SNX18: variants seen among roughly 807,000 people sequenced by gnomAD.
SNX18 encodes sorting nexin 18, also known as sorting nexin-18.
Under a neutral mutation model 48.7 loss-of-function variants are expected in SNX18, and 35 were observed. That is an observed-to-expected ratio of 0.72 (90% CI 0.55 to 0.95). SNX18 has a LOEUF of 0.95. SNX18 is among the 40% of genes least tolerant of loss of function. The probability of loss-of-function intolerance (pLI) is 0.00; values close to 1 mark genes in which losing one functional copy is unlikely to be tolerated. For missense variants in SNX18, 824 were observed against 871.0 expected (o/e 0.95, Z 0.68); for synonymous variants, 492 against 384.7 (o/e 1.28, Z -3.26).
At chr5:54,602,622 G>A in the SNX18 span, among the ~76,000 whole-genome samples, 1 of 152,142 alleles carries the variant, frequency 6.6e-6, no homozygotes, top group African/African-American at 2.4e-5. Flanking sequence ...CAGAGCGGGA[G>A]TGAAAGTCTA....
At chr5:54,610,361 TAC>T in the SNX18 span, among the ~76,000 whole-genome samples, 2,262 of 152,272 alleles carry the variant, frequency 0.015, 58 homozygotes, top group African/African-American at 0.052. Context: ...GCTCCGACTT[TAC>T]ACACAAAGGA....
the SNX18 span, among the ~76,000 whole-genome samples, chr5:54,630,798 C>G: frequency 5.6e-5 from 8 of 142,954 alleles, no homozygotes; most frequent in South Asian, 1.7e-3. Flanking sequence ...CGCCACTGCA[C>G]TGCAGCCTGG....
chr5:54,534,943 T>G (rs1762325781), intron 1 of SNX18, among the ~76,000 whole-genome samples: 1 of 152,206 alleles, frequency 6.6e-6, no homozygotes, highest in Non-Finnish European at 1.5e-5. Context: ...CGTTTACTGA[T>G]GGAAATAGTT....
the SNX18 span, among the ~76,000 whole-genome samples, chr5:54,626,399 C>G: frequency 1.3e-5 from 2 of 152,092 alleles, no homozygotes; most frequent in South Asian, 2.1e-4. Context: ...TCAAGTGGTC[C>G]TCCCACCTTG....
At chr5:54,611,877 TC>T in the SNX18 span, among the ~76,000 whole-genome samples, 15 of 103,078 alleles carry the variant, frequency 1.5e-4, no homozygotes, top group East Asian at 7.0e-4. Flanking sequence ...TTCTTCTTCT[TC>T]TTCTTTTTTT....
the SNX18 span, among the ~76,000 whole-genome samples, chr5:54,551,735 A>G: frequency 6.6e-6 from 1 of 152,176 alleles, no homozygotes; most frequent in Non-Finnish European, 1.5e-5. Flanking sequence ...TGAGACTACC[A>G]GGCAAACATA....
chr5:54,636,118 G>A, the SNX18 span, among the ~76,000 whole-genome samples: 5 of 152,248 alleles, frequency 3.3e-5, no homozygotes, highest in African/African-American at 9.6e-5. Context: ...GCCCACTCAC[G>A]TCTTTGTTCT....
chr5:54,598,443 A>T, the SNX18 span, among the ~76,000 whole-genome samples: 5 of 152,244 alleles, frequency 3.3e-5, no homozygotes, highest in Non-Finnish European at 5.9e-5. Flanking sequence ...AGAAAACTTC[A>T]GGCCAATATC....
the SNX18 span, among the ~76,000 whole-genome samples, chr5:54,611,860 T>TTTC: frequency 5.0e-3 from 755 of 150,372 alleles, 2 homozygotes; most frequent in African/African-American, 0.016. Context: ...ATTCTGGAAT[T>TTTC]TTCTTCTTCT....
At chr5:54,538,476 A>G (rs1246753481) in intron 1 of SNX18, among the ~76,000 whole-genome samples, 1 of 152,172 alleles carries the variant, frequency 6.6e-6, no homozygotes, top group African/African-American at 2.4e-5. Context: ...AGAACTAGTC[A>G]ATTGACTTCC....
the SNX18 span, among the ~76,000 whole-genome samples, chr5:54,639,353 A>C: frequency 1.3e-5 from 2 of 152,218 alleles, no homozygotes; most frequent in Admixed American, 1.3e-4. Context: ...GAATGTATGG[A>C]GTGGCTATTC....
the SNX18 span, among the ~76,000 whole-genome samples, chr5:54,571,182 C>T: frequency 2.0e-5 from 3 of 151,772 alleles, no homozygotes; most frequent in African/African-American, 7.3e-5. Flanking sequence ...CCATTTGTGA[C>T]TTCCTCTACG....
chr5:54,598,581 C>A, the SNX18 span, among the ~76,000 whole-genome samples: 1 of 152,042 alleles, frequency 6.6e-6, no homozygotes, highest in Non-Finnish European at 1.5e-5. Flanking sequence ...GTTCAACATA[C>A]GCAAATCAAT....
At position 54,546,445 on chromosome 5, in the gene SNX18, T is replaced by C. The variant is rs1392735227; in HGVS notation, c.*3013T>C. On this transcript the variant is annotated 3_prime_UTR_variant, in exon 2 of 2. Transcript: ENST00000381410. ...TCTCATTTCCACCTTCATCTTTGGT[T>C]AACAGAATAAGTAAAACAGGGTATT... 1.3e-5 allele frequency: 2 copies of C among 152,224 alleles called. No homozygotes were observed. The highest frequency in any genetic ancestry group is 6.5e-5 in the Admixed American group (1 of 15,284). The allele number at this position is 152,224 out of a possible 1,614,324, so 9.4% of individuals were successfully genotyped here.
In SNX18 at chr5:54,518,274, C is replaced by A. The variant is rs1297618397; in HGVS notation, c.322C>A (p.Leu108Met). 1.3e-6 allele frequency: 2 copies of A among 1,492,532 alleles called. No individual in the cohort carries two copies. Among genetic ancestry groups the A allele is most frequent in the South Asian group, 1.3e-5 (1 of 77,716 alleles). 92.5% of individuals were successfully genotyped at this position (1,492,532 alleles called of 1,614,324 possible). ...KPPPDAFQALLQPQQAPPPST... is the reference protein window; with the variant it reads ...KPPPDAFQALMQPQQAPPPST... ...GCCGCCTGACGCCTTCCAGGCGCTG[C>A]TGCAGCCACAGCAGGCGCCGCCTCC... The change falls in exon 1 of 2, where the codon CTG becomes ATG. Residue 108 changes from leucine to methionine, a missense_variant. Around this residue, in one of 3 missense-constraint regions of SNX18, gnomAD observed 377 missense variants for 350.6 expected, o/e 1.08. Transcript: ENST00000381410.
chr5:54,598,678 G>T, the SNX18 span, among the ~76,000 whole-genome samples: 1 of 151,998 alleles, frequency 6.6e-6, no homozygotes. Flanking sequence ...ATAAAATTCA[G>T]CATCCCTTTT....
chr5:54,602,468 C>T, the SNX18 span, among the ~76,000 whole-genome samples: 27,305 of 152,046 alleles, frequency 0.18, 2,638 homozygotes, highest in East Asian at 0.29. Flanking sequence ...TTCTAAGTAG[C>T]AGGAACTGAC....
intron 1 of SNX18, among the ~76,000 whole-genome samples, chr5:54,530,057 G>A (rs1762224708): frequency 1.3e-5 from 2 of 152,094 alleles, no homozygotes; most frequent in Admixed American, 6.6e-5. Flanking sequence ...CCAGCTTCTG[G>A]TGGTTGCCAG....
At chr5:54,549,898 A>G (rs1443682018), downstream of SNX18, among the ~76,000 whole-genome samples, 2 of 152,204 alleles carry the variant, frequency 1.3e-5, no homozygotes, top group Admixed American at 1.3e-4. Flanking sequence ...ATTAGTGTAG[A>G]CCAAGTTTGA....
Sources: allele counts gnomAD v4.1 joint callset (sites outside exome capture counted in the v4.1 genomes callset), GRCh38; gene constraint gnomAD v4.1.1; regional missense constraint gnomAD v4.1.1; transcripts MANE v1.5; gene names NCBI Gene and HGNC (gene_info 2026-07-23, HGNC 2026-07-21).